Variants in ADCY7 observed in about 807,000 individuals in gnomAD.
The protein encoded by ADCY7 is adenylate cyclase type 7.
In ADCY7, 72 loss-of-function variants were observed where a neutral mutation model predicts 120.6. The ratio of observed to expected loss-of-function variants is 0.60; its 90% CI spans 0.49 to 0.73. The LOEUF is 0.73. Ranked by LOEUF, ADCY7 falls within the 30% of genes least tolerant of loss-of-function variation. ADCY7 has a pLI of 0.00. For synonymous variants in ADCY7, 661 were observed against 628.0 expected (o/e 1.05, Z -0.78); for missense variants, 1,227 against 1,486.0 (o/e 0.83, Z 2.87).
At chr16:50,248,170 A>G (rs1342534369) in intron 1 of ADCY7, among the ~76,000 whole-genome samples, 2 of 152,220 alleles carry the variant, frequency 1.3e-5, no homozygotes, top group African/African-American at 4.8e-5. Context: ...TGCAGAATCA[A>G]GTGGGCCTGG....
rs973318190 is a variant in ADCY7 at position 50,304,262 on chromosome 16, G to C, written c.1369-98G>C. On this transcript the variant is annotated intron_variant, in intron 10 of 25. Coordinates refer to ENST00000673801, the MANE Select transcript of ADCY7 (RefSeq NM_001114.5). ...GTTTATTTTTTCACGGGCTCAGGGCGGCGTCACACTTCAGGGAGAGCTGGA... is the reference window on the plus strand; with the variant it reads ...GTTTATTTTTTCACGGGCTCAGGGCCGCGTCACACTTCAGGGAGAGCTGGA... 5.1e-6 allele frequency: 6 copies of C among 1,172,950 alleles called. No individual in the cohort carries two copies. The African/African-American group carries it at 9.5e-5, about 19-fold the overall frequency. The allele number at this position is 1,172,950 out of a possible 1,614,324, so 72.7% of individuals were successfully genotyped here. A position where few individuals can be genotyped will look rare whatever the true frequency, so the allele number is the denominator to read the frequency against.
rs1296245452 is a variant in ADCY7, at chr16:50,305,837, C to A, written c.1740C>A (p.Gly580=). 1 of 1,613,840 alleles carries A rather than the reference C, an allele frequency of 6.2e-7. No individual in the cohort carries two copies. Among genetic ancestry groups the A allele is most frequent in the Non-Finnish European group, 8.5e-7 (1 of 1,180,000 alleles). Residue 580 remains glycine (G), a synonymous_variant, in exon 14 of 26, where the codon GGC becomes GGA. Coordinates refer to ENST00000673801, the MANE Select transcript of ADCY7 (RefSeq NM_001114.5). ...TTGGGTCCATCTTCCTGGAGAAGGG[C>A]TTTGAGCGCGAGGTGAGGGCCCCCA... ...YTFGSIFLEK[G]FEREYRLAPI...
At chr16:50,276,980 G>A (rs1186646030) in intron 1 of ADCY7, among the ~76,000 whole-genome samples, 1 of 151,784 alleles carries the variant, frequency 6.6e-6, no homozygotes, top group Non-Finnish European at 1.5e-5. Flanking sequence ...GCAACACACT[G>A]ACAATAGGAA....
intron 21 of ADCY7, 69 bp from the exon 22 acceptor site, chr16:50,312,821 G>C: frequency 1.3e-6 from 2 of 1,484,352 alleles, no homozygotes; most frequent in Non-Finnish European, 1.8e-6. Flanking sequence ...ATCTGCTCCT[G>C]AGGCCTTGCC....
At chr16:50,274,362 C>T (rs1052889412) in intron 1 of ADCY7, among the ~76,000 whole-genome samples, 5 of 135,520 alleles carry the variant, frequency 3.7e-5, no homozygotes, top group African/African-American at 8.2e-5. Flanking sequence ...AGTGAGTGAC[C>T]GGGAATGGGG....
intron 12 of ADCY7, 91 bp downstream of exon 12, chr16:50,305,050 G>A (rs112669976): frequency 9.5e-5 from 143 of 1,506,896 alleles, no homozygotes; most frequent in Non-Finnish European, 3.4e-5. Context: ...GGGCAGCTCC[G>A]CAAGGCCCAG....
At chr16:50,309,506 C>A in intron 17 of ADCY7, 42 bp from the exon 18 acceptor site, 3 of 1,548,944 alleles carry the variant, frequency 1.9e-6, no homozygotes, top group Non-Finnish European at 1.8e-6. Flanking sequence ...CAGGTTCCAG[C>A]GTTCTTGTCC....
At chr16:50,314,892 C>T in intron 24 of ADCY7, 122 bp from the exon 25 acceptor site, 1 of 1,381,296 alleles carries the variant, frequency 7.2e-7, no homozygotes, top group Non-Finnish European at 9.8e-7. Flanking sequence ...AGCAACCCAG[C>T]CTTCACTCTA....
rs764030669 is a variant in ADCY7, at chr16:50,309,640, C to T, written c.2154C>T (p.Pro718=). 28 of 1,609,484 alleles carry T rather than the reference C, an allele frequency of 1.7e-5. No homozygotes were observed. The highest frequency in any genetic ancestry group is 2.1e-5 in the Non-Finnish European group (25 of 1,179,966). ...ASSKTRALCE[P]LPYYTCSCVL... ...GCAAGACAAGAGCCCTGTGTGAGCC[C>T]CTCCCGGTGAGTGCGCCGGGCCCGG... Residue 718 remains proline, a synonymous_variant, in exon 18 of 26, where the codon CCC becomes CCT. Transcript: ENST00000673801.
chr16:50,294,536 C>G, intron 6 of ADCY7, 104 bp from the exon 7 acceptor site: 2 of 726,978 alleles, frequency 2.8e-6, no homozygotes, highest in Non-Finnish European at 4.6e-6. Flanking sequence ...TGAATGGGCT[C>G]AGGCCTGGCA....
intron 1 of ADCY7, among the ~76,000 whole-genome samples, chr16:50,275,315 G>T (rs1228700097): frequency 6.6e-6 from 1 of 152,204 alleles, no homozygotes; most frequent in African/African-American, 2.4e-5. Context: ...GTCAGGTGGA[G>T]GTGGGTAAGT....
intron 5 of ADCY7, 61 bp from the exon 6 acceptor site, chr16:50,293,293 C>T (rs1046590623): frequency 3.5e-5 from 56 of 1,580,476 alleles, no homozygotes; most frequent in South Asian, 9.0e-5. Flanking sequence ...GCCTGTCCCC[C>T]GCTGGTCCCT....
At chr16:50,257,308 G>T (rs1567528148) in intron 1 of ADCY7, among the ~76,000 whole-genome samples, 1 of 148,470 alleles carries the variant, frequency 6.7e-6, no homozygotes, top group Admixed American at 6.7e-5. Context: ...CTGTGTGTAG[G>T]TAAGGGGGGC....
chr16:50,289,974 C>T (rs912363228), intron 2 of ADCY7, among the ~76,000 whole-genome samples: 1 of 152,232 alleles, frequency 6.6e-6, no homozygotes, highest in Admixed American at 6.5e-5. Context: ...GGATGCTGTG[C>T]CCGTCCTGTC....
intron 1 of ADCY7, among the ~76,000 whole-genome samples, chr16:50,285,183 G>A (rs1225511768): frequency 1.1e-4 from 16 of 152,224 alleles, no homozygotes; most frequent in Admixed American, 1.0e-3. Context: ...AATCAGATTT[G>A]TAGCCTGTCT....
At position 50,249,205 on chromosome 16, in the gene ADCY7, T is replaced by C. The variant is rs2032678842; in HGVS notation, c.-64+3002T>C. ...CTGTAATTCTAGCTCTTTAGGAGGCTGAGGCAGGCAGATTGCTTGAAGTCA... is the reference window on the plus strand; with the variant it reads ...CTGTAATTCTAGCTCTTTAGGAGGCCGAGGCAGGCAGATTGCTTGAAGTCA... On this transcript the variant is annotated intron_variant, in intron 1 of 4. Transcript: ENST00000564044. Among the ~76,000 whole-genome samples the C allele has an allele frequency of 2.0e-5, 3 of 152,178 alleles. No homozygotes were observed. In the South Asian group the frequency reaches 6.2e-4, roughly 32 times the overall value.
chr16:50,295,141 A>G (rs1283395102), intron 7 of ADCY7, among the ~76,000 whole-genome samples: 1 of 152,108 alleles, frequency 6.6e-6, no homozygotes, highest in Non-Finnish European at 1.5e-5. Flanking sequence ...TTTTCACAGG[A>G]TCTGAGGTGA....
rs1399443683 is a variant in ADCY7 at position 50,288,360 on chromosome 16, G to A, written c.171+10G>A. ...TGCCTTCAGCCAGGGGGTGAGTGAG[G>A]GCAGCCCCTGGGCTTCACGTCTCGG... is the stretch of plus-strand genomic sequence containing the variant. On this transcript the variant is annotated intron_variant, in intron 2 of 25. Coordinates refer to ENST00000673801, the MANE Select transcript of ADCY7 (RefSeq NM_001114.5). The A allele has an allele frequency of 2.0e-6, 3 of 1,537,724 alleles. No homozygotes were observed. Among genetic ancestry groups the A allele is most frequent in the Middle Eastern group, 3.4e-4 (2 of 5,944 alleles).
chr16:50,310,336 A>C, intron 18 of ADCY7: 1 of 871,230 alleles, frequency 1.1e-6, no homozygotes, highest in Non-Finnish European at 1.8e-6. Context: ...GAGCCACAGC[A>C]CAATCTTGAG....
Sources: gnomAD v4.1 joint callset for allele counts (sites outside exome capture counted in the v4.1 genomes callset) on GRCh38, gnomAD v4.1.1 for gene constraint, MANE v1.5 for transcripts, NCBI Gene and HGNC (gene_info 2026-07-23, HGNC 2026-07-21) for gene names.